CCT3: variants seen among roughly 807,000 people sequenced by gnomAD.
CCT3 encodes the protein T-complex protein 1 subunit gamma.
A neutral mutation model predicts 65.3 loss-of-function variants in CCT3; 10 were observed. The observed-to-expected ratio is 0.15, with a 90% CI of 0.09 to 0.26. The LOEUF is 0.26. Among genes scored for constraint, CCT3 ranks in the 10% least tolerant of loss-of-function variants. The pLI, the probability that CCT3 is intolerant of heterozygous loss-of-function variation, is 1.00. For synonymous variants in CCT3, 225 were observed against 242.3 expected (o/e 0.93, Z 0.66); for missense variants, 626 against 708.7 (o/e 0.88, Z 1.33).
At position 156,318,858 on chromosome 1, in the gene CCT3, A is replaced by G; in HGVS notation, c.759+10T>C. ...GCATCTACTTTAAGGAACAAGGCCA[A>G]GAACCTTACCTGGCTTTCTCCTTTC... On this transcript the variant is annotated intron_variant, in intron 8 of 13. Transcript: ENST00000295688. 1 of 1,609,428 alleles carries G rather than the reference A, an allele frequency of 6.2e-7. No individual in the cohort carries two copies. The highest frequency in any genetic ancestry group is 8.5e-7 in the Non-Finnish European group (1 of 1,178,388).
chr1:156,338,270 A>G lies in CCT3; in HGVS notation c.-86T>C. On this transcript the variant is annotated 5_prime_UTR_variant, in exon 1 of 14. Transcript: ENST00000295688. Reference sequence around the variant, plus strand: ...GAGAGAACCAGACAGAAGCCCAGAAAACGCTGCCTCCTCAGGGCTTACACC... The same window carrying G: ...GAGAGAACCAGACAGAAGCCCAGAAGACGCTGCCTCCTCAGGGCTTACACC... 1 of 1,399,044 alleles carries G rather than the reference A, an allele frequency of 7.1e-7. No individual in the cohort carries two copies. Among genetic ancestry groups the G allele is most frequent in the Non-Finnish European group, 9.9e-7 (1 of 1,009,510 alleles). 86.7% of individuals were successfully genotyped at this position (1,399,044 alleles called of 1,614,324 possible).
At position 156,338,228 on chromosome 1, in the gene CCT3, G is replaced by T; in HGVS notation, c.-44C>A. On this transcript the variant is annotated 5_prime_UTR_variant, in exon 1 of 14. Transcript: ENST00000295688. ...CGGGTACCCAGAGCTGGGGGAACCG[G>T]CAGAACCTTCTGGAGAGAGAGAACC... 1 of 1,563,990 alleles carries T rather than the reference G, an allele frequency of 6.4e-7. No individual in the cohort carries two copies. The highest frequency in any genetic ancestry group is 8.7e-7 in the Non-Finnish European group (1 of 1,153,976).
At position 156,316,767 on chromosome 1, in the gene CCT3, G is replaced by A. The variant is rs545762299; in HGVS notation, c.974+399C>T. 2.7e-4 allele frequency among the ~76,000 whole-genome samples: 41 copies of A among 152,324 alleles called. No homozygotes were observed. The South Asian group carries it at 3.3e-3, about 12-fold the overall frequency. On this transcript the variant is annotated intron_variant, in intron 10 of 13. Transcript: ENST00000295688. Reference sequence around the variant, plus strand: ...AATGCAATCTAGAATCGCATAAATCGCAGCTAAGGATGTAGCTGAGGAAAC... The same window carrying A: ...AATGCAATCTAGAATCGCATAAATCACAGCTAAGGATGTAGCTGAGGAAAC...
chr1:156,325,154 T>C (rs1021615647), intron 5 of CCT3, 65 bp from the exon 6 acceptor site: 4 of 1,164,366 alleles, frequency 3.4e-6, no homozygotes, highest in African/African-American at 3.0e-5. Flanking sequence ...AGTAACTTAA[T>C]TATTCTTCCA....
At chr1:156,318,697 T>A (rs142659075) in intron 8 of CCT3, among the ~76,000 whole-genome samples, 171 bp downstream of exon 8, 71 of 152,288 alleles carry the variant, frequency 4.7e-4, no homozygotes, top group African/African-American at 1.6e-3. Context: ...GAGCTTCAGA[T>A]CCCTCATCTG....
intron 10 of CCT3, 38 bp downstream of exon 10, chr1:156,317,128 A>G (rs1664343469): frequency 1.3e-6 from 2 of 1,538,548 alleles, no homozygotes; most frequent in East Asian, 4.5e-5. Context: ...AAGGAAACAC[A>G]CGGGAAGAAA....
chr1:156,324,466 A>G (rs1027119958), intron 6 of CCT3, among the ~76,000 whole-genome samples: 3 of 152,046 alleles, frequency 2.0e-5, no homozygotes, highest in Non-Finnish European at 2.9e-5. Flanking sequence ...GAGGTAATAT[A>G]TGCTTTTCTT....
chr1:156,312,396 C>T (rs1445954410), intron 10 of CCT3, among the ~76,000 whole-genome samples, 175 bp from the exon 11 acceptor site: 2 of 152,124 alleles, frequency 1.3e-5, no homozygotes. Context: ...CACAGTGGCT[C>T]ACACTTGTAA....
intron 6 of CCT3, among the ~76,000 whole-genome samples, chr1:156,323,999 G>C (rs1427057815): frequency 6.7e-6 from 1 of 150,344 alleles, no homozygotes; most frequent in Admixed American, 6.6e-5. Context: ...CTGACCTCAG[G>C]TGATCCACCC....
At position 156,317,565 on chromosome 1, in the gene CCT3, G is replaced by A; in HGVS notation, c.760-18C>T. 1.2e-6 allele frequency: 2 copies of A among 1,603,998 alleles called. No individual in the cohort carries two copies. Among genetic ancestry groups the A allele is most frequent in the Non-Finnish European group, 1.7e-6 (2 of 1,172,594 alleles). ...ATGTCAGTCTGTGTGGTAAAGAAAAGACACTGATTTTAAAATCCCTGGACT... is the reference window on the plus strand; with the variant it reads ...ATGTCAGTCTGTGTGGTAAAGAAAAAACACTGATTTTAAAATCCCTGGACT... On this transcript the variant is annotated intron_variant, in intron 8 of 13. Coordinates refer to ENST00000295688, the MANE Select transcript of CCT3 (RefSeq NM_005998.5).
rs762957323 is a variant in CCT3, at chr1:156,324,959, G to A, written c.422+13C>T. On this transcript the variant is annotated intron_variant, in intron 6 of 13. Coordinates refer to ENST00000295688, the MANE Select transcript of CCT3 (RefSeq NM_005998.5). Reference sequence around the variant, plus strand: ...TCATATTTGATACTACCTATTTCTTGCCCCCAAGATACCTTATTTTCTTTA... The same window carrying A: ...TCATATTTGATACTACCTATTTCTTACCCCCAAGATACCTTATTTTCTTTA... 48 of 1,542,994 alleles carry A rather than the reference G, an allele frequency of 3.1e-5. No homozygotes were observed. Among genetic ancestry groups the A allele is most frequent in the Middle Eastern group, 1.7e-4 (1 of 5,926 alleles).
At chr1:156,322,567 A>T (rs529620082) in intron 6 of CCT3, among the ~76,000 whole-genome samples, 33 of 151,506 alleles carry the variant, frequency 2.2e-4, no homozygotes, top group Admixed American at 6.6e-4. Flanking sequence ...AAAAAAAAAA[A>T]ATATTTCAGG....
chr1:156,325,620 C>T (rs1237783336), intron 5 of CCT3, among the ~76,000 whole-genome samples: 1 of 151,076 alleles, frequency 6.6e-6, no homozygotes, highest in Non-Finnish European at 1.5e-5. Flanking sequence ...CTGTGTCGCC[C>T]AGGCTGGAGT....
chr1:156,324,206 T>G (rs1471098907), intron 6 of CCT3, among the ~76,000 whole-genome samples: 2 of 151,832 alleles, frequency 1.3e-5, no homozygotes, highest in Non-Finnish European at 2.9e-5. Context: ...TAGCTGGGAT[T>G]ACAGGCGCCT....
At chr1:156,337,901 G>T in intron 1 of CCT3, 1 of 548,894 alleles carries the variant, frequency 1.8e-6, no homozygotes, top group Non-Finnish European at 3.2e-6. Flanking sequence ...AACGCGGAGT[G>T]GGAAAGAGCT....
chr1:156,337,186 C>A, intron 1 of CCT3: 1 of 597,788 alleles, frequency 1.7e-6, no homozygotes, highest in South Asian at 1.7e-5. Context: ...GGGCGGATCA[C>A]CTGAGCTCAT....
At chr1:156,329,436 G>A (rs529674549) in intron 5 of CCT3, among the ~76,000 whole-genome samples, 1 of 151,244 alleles carries the variant, frequency 6.6e-6, no homozygotes, top group South Asian at 2.1e-4. Flanking sequence ...CTCCCGAGTA[G>A]CTGGGACTAC....
At chr1:156,316,295 A>G (rs894187158) in intron 10 of CCT3, among the ~76,000 whole-genome samples, 2 of 152,204 alleles carry the variant, frequency 1.3e-5, no homozygotes, top group East Asian at 1.9e-4. Flanking sequence ...ACCATTTTAT[A>G]TAAGGGTTAA....
At chr1:156,322,905 T>G (rs562398451) in intron 6 of CCT3, among the ~76,000 whole-genome samples, 41 of 152,218 alleles carry the variant, frequency 2.7e-4, no homozygotes, top group African/African-American at 9.6e-4. Context: ...ATAAAACCTT[T>G]GGGTACCTCT....
Sources: allele counts gnomAD v4.1 joint callset (sites outside exome capture counted in the v4.1 genomes callset), GRCh38; gene constraint gnomAD v4.1.1; transcripts MANE v1.5; gene names NCBI Gene and HGNC (gene_info 2026-07-23, HGNC 2026-07-21).